Variants in ADGRA3 observed in about 807,000 individuals in gnomAD.
ADGRA3 encodes G-protein coupled receptor 125.
Under a neutral mutation model 119.8 loss-of-function variants are expected in ADGRA3, and 56 were observed. The ratio of observed to expected loss-of-function variants is 0.47; its 90% CI spans 0.38 to 0.58. The LOEUF (loss-of-function observed/expected upper bound fraction) is 0.58. Among genes scored for constraint, ADGRA3 ranks in the 20% least tolerant of loss-of-function variants. ADGRA3 has a pLI of 0.00. For synonymous variants in ADGRA3, 607 were observed against 623.8 expected (o/e 0.97, Z 0.40); for missense variants, 1,516 against 1,649.0 (o/e 0.92, Z 1.40).
chr4:22,477,760 C>CA (rs1475324021), intron 1 of ADGRA3: 2 of 152,108 alleles, frequency 1.3e-5, no homozygotes, highest in African/African-American at 2.4e-5. Context: ...TAACTGTAAC[C>CA]TTAAAAATAC....
chr4:22,418,157 G>T (rs10938896), intron 12 of ADGRA3, among the ~76,000 whole-genome samples: 96,813 of 152,050 alleles, frequency 0.64, 33,053 homozygotes, highest in Non-Finnish European at 0.77. Flanking sequence ...AATTGGAAGA[G>T]ATTTGATAGA....
intron 2 of ADGRA3, among the ~76,000 whole-genome samples, chr4:22,462,040 T>C (rs998885850): frequency 6.6e-6 from 1 of 152,124 alleles, no homozygotes; most frequent in South Asian, 2.1e-4. Context: ...AATAAAAATA[T>C]ACGTCATAAA....
At chr4:22,506,094 A>T (rs1043159546) in intron 1 of ADGRA3, among the ~76,000 whole-genome samples, 2 of 152,092 alleles carry the variant, frequency 1.3e-5, no homozygotes, top group African/African-American at 2.4e-5. Flanking sequence ...CCTGGGACTC[A>T]CCCCCTGCAG....
intron 1 of ADGRA3, among the ~76,000 whole-genome samples, chr4:22,479,628 C>T (rs1011805874): frequency 1.3e-5 from 2 of 152,132 alleles, no homozygotes; most frequent in Admixed American, 6.5e-5. Context: ...TCATTTGACC[C>T]AGCAATCCCA....
At chr4:22,392,826 G>A (rs1306583314) in intron 16 of ADGRA3, 136 bp from the exon 17 acceptor site, 5 of 686,396 alleles carry the variant, frequency 7.3e-6, no homozygotes, top group African/African-American at 5.4e-5. Flanking sequence ...TCTGTTGCCT[G>A]CTAAGGCAAC....
In ADGRA3 at chr4:22,388,687, T is replaced by C. The variant is rs775834962; in HGVS notation, c.2984A>G (p.Gln995Arg). Residue 995 changes from glutamine to arginine, a missense_variant, in exon 19 of 19, where the codon CAG becomes CGG. By Grantham distance (43) the Gln-to-Arg change is conservative (BLOSUM62 1). Transcript: ENST00000334304. ...CAAAGTAAGGCTGGCCCCCAAGAGC[T>C]GAGAATGAAAAGTGTGCTCATTTTC... ...ALENEHTFHS[Q>R]LLGASLTLLL... is the part of the protein sequence containing the mutation. 26 of 1,613,896 alleles carry C rather than the reference T, an allele frequency of 1.6e-5. No homozygotes were observed. Among genetic ancestry groups the C allele is most frequent in the Non-Finnish European group, 1.9e-5 (22 of 1,179,960 alleles).
intron 15 of ADGRA3, among the ~76,000 whole-genome samples, chr4:22,402,083 A>G (rs1288591204): frequency 1.3e-5 from 2 of 152,180 alleles, no homozygotes; most frequent in Non-Finnish European, 2.9e-5. Flanking sequence ...ATATATGTCT[A>G]GCTTAAACAG....
At position 22,436,483 on chromosome 4, in the gene ADGRA3, T is replaced by C. The variant is rs1716397832; in HGVS notation, c.1244A>G (p.Gln415Arg). The stretch of plus-strand genomic sequence containing the variant: ...AACTCTAGTGACATCATTTGCATAC[T>C]GACAGCGAGAATAATCATCATCTGC... ...FWADDDYSRC[Q>R]YANDVTRVLY... Residue 415 changes from glutamine to arginine, a missense_variant, in exon 9 of 19, where the codon CAG becomes CGG. Physicochemically the swap from Gln to Arg is conservative, Grantham distance 43 (BLOSUM62 1). This residue lies in a region of ADGRA3 where 428 missense variants were observed against 541.9 expected (regional missense o/e 0.79). Coordinates refer to ENST00000334304, the MANE Select transcript of ADGRA3 (RefSeq NM_145290.4). 1.9e-6 allele frequency: 3 copies of C among 1,612,486 alleles called. No individual in the cohort carries two copies. The highest frequency in any genetic ancestry group is 2.5e-6 in the Non-Finnish European group (3 of 1,179,820).
At chr4:22,472,363 C>T (rs964266114) in intron 2 of ADGRA3, among the ~76,000 whole-genome samples, 3 of 152,172 alleles carry the variant, frequency 2.0e-5, no homozygotes, top group African/African-American at 7.2e-5. Context: ...ATTCCTGAAC[C>T]AGCAGTGACC....
intron 10 of ADGRA3, among the ~76,000 whole-genome samples, chr4:22,427,501 C>G (rs993684691): frequency 6.6e-6 from 1 of 151,642 alleles, no homozygotes; most frequent in South Asian, 2.1e-4. Flanking sequence ...AGGTACAGGA[C>G]GAACAACAGT....
chr4:22,449,737 T>G lies in ADGRA3; in HGVS notation c.474-2226A>C, dbSNP rs148655522. On this transcript the variant is annotated intron_variant, in intron 4 of 18. Transcript: ENST00000334304. ...GGTGTGTGCCTATAGTCCCTGCTAC[T>G]TGGGAGGCTAAGGTGGTGACACCTT... 3.0e-3 allele frequency among the ~76,000 whole-genome samples: 450 copies of G among 152,084 alleles called. 1 individual carries two copies. The highest frequency in any genetic ancestry group is 0.01 in the African/African-American group (430 of 41,506).
chr4:22,429,079 T>C (rs1716055260), intron 10 of ADGRA3, among the ~76,000 whole-genome samples: 1 of 152,158 alleles, frequency 6.6e-6, no homozygotes, highest in African/African-American at 2.4e-5. Flanking sequence ...CCATCAGGTC[T>C]CATGCTTGAT....
At chr4:22,455,031 C>G (rs1476228187) in intron 3 of ADGRA3, 94 bp from the exon 4 acceptor site, 5 of 816,182 alleles carry the variant, frequency 6.1e-6, no homozygotes, top group Non-Finnish European at 1.1e-5. Context: ...CCAGGTATCG[C>G]ACAAGACCTT....
chr4:22,411,463 G>C (rs1403232518), intron 14 of ADGRA3, among the ~76,000 whole-genome samples: 1 of 152,066 alleles, frequency 6.6e-6, no homozygotes, highest in Non-Finnish European at 1.5e-5. Flanking sequence ...GCCGGGTTTG[G>C]TGGTGCCTGC....
intron 1 of ADGRA3, among the ~76,000 whole-genome samples, chr4:22,493,733 G>T (rs1718709975): frequency 6.6e-6 from 1 of 152,296 alleles, no homozygotes; most frequent in Middle Eastern, 3.4e-3. Flanking sequence ...ATCTTGAATA[G>T]GAGCTAGGCA....
At chr4:22,512,732 C>A (rs1719491117) in intron 1 of ADGRA3, among the ~76,000 whole-genome samples, 1 of 152,138 alleles carries the variant, frequency 6.6e-6, no homozygotes, top group Non-Finnish European at 1.5e-5. Context: ...TTCCTAAAGT[C>A]CTCAGAGAGA....
intron 4 of ADGRA3, 109 bp downstream of exon 4, chr4:22,454,757 A>G (rs1248216741): frequency 2.5e-6 from 2 of 791,370 alleles, no homozygotes; most frequent in Admixed American, 4.1e-5. Context: ...TATGGCTTCT[A>G]TAACCCCTAC....
intron 1 of ADGRA3, among the ~76,000 whole-genome samples, chr4:22,507,156 C>T (rs1049500512): frequency 6.6e-6 from 1 of 152,028 alleles, no homozygotes; most frequent in Non-Finnish European, 1.5e-5. Context: ...AGGGGAATGG[C>T]GTGAACCCAG....
intron 12 of ADGRA3, among the ~76,000 whole-genome samples, chr4:22,419,215 T>C (rs1715549330): frequency 1.3e-5 from 2 of 149,790 alleles, no homozygotes; most frequent in African/African-American, 4.9e-5. Flanking sequence ...AGTTTCTGGA[T>C]GTTCAGGTTT....
Sources: allele counts gnomAD v4.1 joint callset (sites outside exome capture counted in the v4.1 genomes callset), GRCh38; gene constraint gnomAD v4.1.1; regional missense constraint gnomAD v4.1.1; transcripts MANE v1.5; gene names NCBI Gene and HGNC (gene_info 2026-07-23, HGNC 2026-07-21).